SFI1: variants seen among roughly 807,000 people sequenced by gnomAD.
SFI1 encodes SFI1 centrin binding protein, also known as protein SFI1 homolog.
In SFI1, 195 loss-of-function variants were observed where a neutral mutation model predicts 207.5. The ratio of observed to expected loss-of-function variants is 0.94; its 90% CI spans 0.84 to 1.06. The LOEUF is 1.06. Ranked by LOEUF, SFI1 falls within the 50% of genes least tolerant of loss-of-function variation. The pLI is 0.00. For synonymous variants in SFI1, 630 were observed against 598.9 expected (o/e 1.05, Z -0.76); for missense variants, 1,634 against 1,588.0 (o/e 1.03, Z -0.49).
chr22:31,617,161 C>A, intron 31 of SFI1, 83 bp downstream of exon 31: 1 of 1,469,166 alleles, frequency 6.8e-7, no homozygotes, highest in African/African-American at 1.4e-5. Context: ...CCATTTCCCC[C>A]GAGCCAGCTG....
chr22:31,508,477 T>A, intron 2 of SFI1, 101 bp downstream of exon 2: 1 of 764,868 alleles, frequency 1.3e-6, no homozygotes, highest in Non-Finnish European at 2.1e-6. Flanking sequence ...AGTGAGGTAG[T>A]AACTGTGGGT....
intron 15 of SFI1, 91 bp downstream of exon 15, chr22:31,589,668 C>G: frequency 7.1e-7 from 1 of 1,403,048 alleles, no homozygotes; most frequent in Non-Finnish European, 9.6e-7. Context: ...TTTTCAGCTT[C>G]CCAGACCCCA....
chr22:31,565,661 C>G (rs1268574889), intron 8 of SFI1, among the ~76,000 whole-genome samples: 2 of 152,116 alleles, frequency 1.3e-5, no homozygotes, highest in African/African-American at 4.8e-5. Flanking sequence ...GATCATGCCA[C>G]TGCACTCCAG....
chr22:31,512,710 G>A (rs1009568789), intron 2 of SFI1, among the ~76,000 whole-genome samples: 4 of 151,018 alleles, frequency 2.6e-5, no homozygotes, highest in Non-Finnish European at 3.0e-5. Context: ...TTTTTGAGAC[G>A]GAGTCTAGCT....
intron 4 of SFI1, among the ~76,000 whole-genome samples, chr22:31,531,919 A>G (rs1346917714): frequency 6.9e-6 from 1 of 145,272 alleles, no homozygotes; most frequent in Admixed American, 6.9e-5. Context: ...AAATTAGCTG[A>G]GCATGGTGGC....
chr22:31,498,676 G>C (rs2053177384), intron 1 of SFI1, among the ~76,000 whole-genome samples: 1 of 151,510 alleles, frequency 6.6e-6, no homozygotes, highest in African/African-American at 2.4e-5. Context: ...ATTAAAAGGA[G>C]TTTGAAAAAG....
intron 30 of SFI1, 40 bp from the exon 31 acceptor site, chr22:31,616,960 G>A: frequency 6.2e-7 from 1 of 1,613,890 alleles, no homozygotes; most frequent in Non-Finnish European, 8.5e-7. Flanking sequence ...GGTCCCCGAG[G>A]GGAAAATAGT....
intron 1 of SFI1, among the ~76,000 whole-genome samples, chr22:31,507,747 T>G (rs2054855989): frequency 6.6e-6 from 1 of 152,012 alleles, no homozygotes; most frequent in African/African-American, 2.4e-5. Context: ...GAAAAAAAGC[T>G]CAATATCACT....
intron 23 of SFI1, 144 bp downstream of exon 23, chr22:31,611,447 G>C (rs544023110): frequency 9.1e-7 from 1 of 1,100,298 alleles, no homozygotes; most frequent in Admixed American, 2.9e-5. Flanking sequence ...GGTCCTGTAA[G>C]ACAAAGCTGC....
chr22:31,590,994 ATTCTTGGGTGT>A, intron 15 of SFI1, among the ~76,000 whole-genome samples: 1 of 114,258 alleles, frequency 8.8e-6, no homozygotes, highest in African/African-American at 3.5e-5. Flanking sequence ...TTTATTGATA[ATTCTTGGGTGT>A]TTCTCACAGA....
intron 20 of SFI1, chr22:31,606,029 G>T (rs1399089910): frequency 5.6e-6 from 2 of 360,148 alleles, no homozygotes; most frequent in Non-Finnish European, 1.0e-5. Context: ...TTATCACAGT[G>T]TGAGTCACCT....
At chr22:31,522,729 C>G (rs1489079483) in intron 2 of SFI1, among the ~76,000 whole-genome samples, 1 of 152,108 alleles carries the variant, frequency 6.6e-6, no homozygotes, top group Non-Finnish European at 1.5e-5. Context: ...GATGTCAGCT[C>G]ACTGCAACCT....
chr22:31,617,119 C>G (rs1569474328), intron 31 of SFI1, 41 bp downstream of exon 31: 7 of 1,605,042 alleles, frequency 4.4e-6, no homozygotes, highest in Non-Finnish European at 6.0e-6. Context: ...GCTACAGGAG[C>G]AGGTGTTGCC....
intron 3 of SFI1, 70 bp from the exon 4 acceptor site, chr22:31,530,988 T>C (rs2058462137): frequency 7.4e-7 from 1 of 1,343,962 alleles, no homozygotes; most frequent in Non-Finnish European, 1.1e-6. Flanking sequence ...TTCCTTTCCT[T>C]TCCAGAAAAC....
At chr22:31,607,809 G>A in intron 21 of SFI1, 128 bp from the exon 22 acceptor site, 1 of 709,938 alleles carries the variant, frequency 1.4e-6, no homozygotes, top group East Asian at 2.8e-5. Context: ...TTACTTCCTG[G>A]ACCGTGTGTG....
At chr22:31,550,143 G>T in intron 5 of SFI1, 111 bp from the exon 6 acceptor site, 2 of 673,590 alleles carry the variant, frequency 3.0e-6, no homozygotes, top group East Asian at 2.7e-5. Context: ...CGGCCAGGCT[G>T]GTCTTGAACT....
chr22:31,496,340 A>G (rs1275878392), upstream of SFI1: 1 of 152,272 alleles, frequency 6.6e-6, no homozygotes, highest in African/African-American at 2.4e-5. Flanking sequence ...GGGGATGCCC[A>G]GAGGGTGCAT....
chr22:31,577,190 C>G (rs2063613398), intron 10 of SFI1, among the ~76,000 whole-genome samples: 1 of 152,096 alleles, frequency 6.6e-6, no homozygotes, highest in South Asian at 2.1e-4. Flanking sequence ...GTATGAAGTC[C>G]TGTGAGAGCG....
intron 4 of SFI1, among the ~76,000 whole-genome samples, chr22:31,545,698 A>G (rs1249139779): frequency 1.3e-5 from 2 of 151,534 alleles, no homozygotes; most frequent in Admixed American, 1.3e-4. Flanking sequence ...CTCCTGTCTC[A>G]GCCTCCCAAG....
Sources: allele counts gnomAD v4.1 joint callset (sites outside exome capture counted in the v4.1 genomes callset), GRCh38; gene constraint gnomAD v4.1.1; transcripts MANE v1.5; gene names NCBI Gene and HGNC (gene_info 2026-07-23, HGNC 2026-07-21).